Variants in ANO5 observed in about 807,000 individuals in gnomAD.
The protein encoded by ANO5 is anoctamin 5.
In ANO5, 109 loss-of-function variants were observed where a neutral mutation model predicts 121.0. That is an observed-to-expected ratio of 0.90 (90% confidence interval 0.77 to 1.06). The LOEUF is 1.06. Ranked by LOEUF, ANO5 falls within the 50% of genes least tolerant of loss-of-function variation. The probability of loss-of-function intolerance (pLI) is 0.00; values close to 1 mark genes in which losing one functional copy is unlikely to be tolerated. For missense variants in ANO5, 1,064 were observed against 1,078.5 expected, an observed-to-expected ratio of 0.99 and a Z score of 0.19; for synonymous variants, 406 against 359.9, an observed-to-expected ratio of 1.13 and a Z score of -1.45.
intron 14 of ANO5, 147 bp from the exon 15 acceptor site, chr11:22,259,372 G>A (rs908027264): frequency 2.5e-6 from 2 of 808,938 alleles, no homozygotes; most frequent in Non-Finnish European, 4.2e-6. Context: ...TGCCATCTAG[G>A]GAAAGAGAGA....
At position 22,221,174 on chromosome 11, in the gene ANO5, C is replaced by A. The variant is rs747146523; in HGVS notation, c.258C>A (p.Tyr86Ter). ...GGCAAATTGATTTTGTGCTTTCCTA[C>A]GTTGATGATGTAAAGAAAGACGCAG... is the stretch of plus-strand genomic sequence containing the variant. ...GIRQIDFVLS[Y>*]VDDVKKDAEL... The change falls in exon 5 of 22, where the codon TAC becomes TAA. Residue 86 changes from tyrosine to a stop codon, truncating the protein, a stop_gained. Coordinates refer to ENST00000324559, the MANE Select transcript of ANO5 (RefSeq NM_213599.3). LOFTEE classifies it high-confidence loss of function. The A allele has an allele frequency of 6.2e-7, 1 of 1,611,620 alleles. No homozygotes were observed. Among genetic ancestry groups the A allele is most frequent in the South Asian group, 1.1e-5 (1 of 91,018 alleles).
chr11:22,194,611 C>T (rs1052622872), intron 1 of ANO5, among the ~76,000 whole-genome samples: 2 of 152,176 alleles, frequency 1.3e-5, no homozygotes, highest in African/African-American at 4.8e-5. Flanking sequence ...CCCATCCTCC[C>T]CACTTCCTAC....
chr11:22,207,668 A>G (rs1233825324), intron 2 of ANO5, among the ~76,000 whole-genome samples: 1 of 152,130 alleles, frequency 6.6e-6, no homozygotes, highest in Non-Finnish European at 1.5e-5. Context: ...AATGAAAAGC[A>G]TTGATAAATT....
In ANO5 at chr11:22,259,598, A is replaced by G. The variant is rs779659449; in HGVS notation, c.1487A>G (p.Glu496Gly). 1.2e-6 allele frequency: 2 copies of G among 1,614,096 alleles called. No individual in the cohort carries two copies. Among genetic ancestry groups the G allele is most frequent in the East Asian group, 4.5e-5 (2 of 44,862 alleles). Reference sequence around the variant, plus strand: ...TTTGCTACATTTGCTAGTTTCATGGAAAGTGATGCATCCTTAAAGCAGGTC... The same window carrying G: ...TTTGCTACATTTGCTAGTTTCATGGGAAGTGATGCATCCTTAAAGCAGGTC... ...SVFATFASFM[E>G]SDASLKQVKS... Residue 496 changes from glutamate to glycine, a missense_variant, in exon 15 of 22, where the codon GAA becomes GGA. Glu to Gly is a moderately conservative substitution (Grantham distance 98). Transcript: ENST00000324559.
intron 17 of ANO5, among the ~76,000 whole-genome samples, chr11:22,269,326 AAAG>A (rs1250290526): frequency 8.1e-6 from 1 of 123,408 alleles, no homozygotes; most frequent in East Asian, 2.2e-4. Flanking sequence ...AAGGAGAAAA[AAAG>A]AAAGAGAAGG....
At chr11:22,238,300 T>G (rs886266443) in intron 8 of ANO5, among the ~76,000 whole-genome samples, 1 of 145,356 alleles carries the variant, frequency 6.9e-6, no homozygotes, top group African/African-American at 2.5e-5. Flanking sequence ...TTTTTGAAGA[T>G]TTTGAGTTTT....
At chr11:22,262,378 C>T (rs1854219144) in intron 16 of ANO5, 80 bp downstream of exon 16, 23 of 1,480,770 alleles carry the variant, frequency 1.6e-5, no homozygotes, top group Non-Finnish European at 2.0e-5. Flanking sequence ...AGCACTGATT[C>T]ACATGCTAAA....
chr11:22,268,524 G>A (rs973795049), intron 17 of ANO5, among the ~76,000 whole-genome samples: 3 of 152,004 alleles, frequency 2.0e-5, no homozygotes, highest in Admixed American at 6.6e-5. Flanking sequence ...ACTCATTTTT[G>A]TCTAACTTCA....
rs374635714 is a variant in ANO5, at chr11:22,274,794, C to T, written c.2414+47C>T. 20 of 1,589,294 alleles carry T rather than the reference C, an allele frequency of 1.3e-5. No individual in the cohort carries two copies. In the Admixed American group the frequency reaches 1.9e-4, roughly 15 times the overall value. On this transcript the variant is annotated intron_variant, in intron 20 of 21. Transcript: ENST00000324559. ...TTAGGTTTTAGTTTTATCCCTTAAG[C>T]GTATTTCTTAAGTTATCTATTACCT...
intron 3 of ANO5, among the ~76,000 whole-genome samples, chr11:22,216,775 G>A (rs1852460062): frequency 6.6e-6 from 1 of 151,654 alleles, no homozygotes; most frequent in South Asian, 2.1e-4. Context: ...CCAAAGTAGG[G>A]GAGATTTTCT....
At chr11:22,240,854 C>A (rs1170429531) in intron 9 of ANO5, among the ~76,000 whole-genome samples, 1 of 151,586 alleles carries the variant, frequency 6.6e-6, no homozygotes, top group African/African-American at 2.4e-5. Context: ...CTCTTTCATG[C>A]TAATATTTTT....
intron 12 of ANO5, among the ~76,000 whole-genome samples, chr11:22,254,109 C>T (rs1853914179): frequency 6.6e-6 from 1 of 151,704 alleles, no homozygotes; most frequent in Non-Finnish European, 1.5e-5. Flanking sequence ...AAAACATAAG[C>T]CAATGTATAC....
chr11:22,269,059 G>A (rs532903429), intron 17 of ANO5, among the ~76,000 whole-genome samples: 6 of 149,102 alleles, frequency 4.0e-5, no homozygotes, highest in Admixed American at 2.7e-4. Context: ...GAGAGAGAGA[G>A]AAAAGGAAAG....
Position 22,279,970 on chromosome 11 carries a change from G to T in ANO5, c.*205G>T. 1.8e-6 allele frequency: 1 copy of T among 564,534 alleles called. No homozygotes were observed. The highest frequency in any genetic ancestry group is 3.1e-6 in the Non-Finnish European group (1 of 320,840). The allele number at this position is 564,534 out of a possible 1,614,324, so 35.0% of individuals were successfully genotyped here. A position where few individuals can be genotyped will look rare whatever the true frequency, so the allele number is the denominator to read the frequency against. On this transcript the variant is annotated 3_prime_UTR_variant, in exon 22 of 22. Coordinates refer to ENST00000324559, the MANE Select transcript of ANO5 (RefSeq NM_213599.3). ...GTACTACTTCTCTGCTTCATTGACT[G>T]GGCCCTCTCCAGATGTTGTTTTCTG...
intron 21 of ANO5, among the ~76,000 whole-genome samples, chr11:22,279,107 C>T (rs901206787): frequency 3.0e-4 from 46 of 151,926 alleles, no homozygotes; most frequent in African/African-American, 1.1e-3. Context: ...CCAACTCAAA[C>T]TAATACCTTC....
intron 3 of ANO5, among the ~76,000 whole-genome samples, chr11:22,213,962 G>C (rs558746193): frequency 1.3e-5 from 2 of 151,954 alleles, no homozygotes; most frequent in South Asian, 4.1e-4. Context: ...GAGTCCAGTG[G>C]CATGATCATA....
At chr11:22,272,017 T>A (rs1216409557) in intron 18 of ANO5, among the ~76,000 whole-genome samples, 1 of 152,092 alleles carries the variant, frequency 6.6e-6, no homozygotes, top group Non-Finnish European at 1.5e-5. Context: ...ATAACGGAAA[T>A]TTTTTTCCTT....
At chr11:22,255,241 A>G (rs1853954772) in intron 12 of ANO5, 130 bp from the exon 13 acceptor site, 1 of 667,036 alleles carries the variant, frequency 1.5e-6, no homozygotes, top group African/African-American at 1.8e-5. Flanking sequence ...AGTTTTAATC[A>G]AACACAACAG....
intron 2 of ANO5, among the ~76,000 whole-genome samples, chr11:22,207,560 A>G (rs1008717551): frequency 6.6e-6 from 1 of 152,138 alleles, no homozygotes; most frequent in African/African-American, 2.4e-5. Flanking sequence ...ATGTAAAACT[A>G]TACAATTTTT....
Sources: allele counts gnomAD v4.1 joint callset (sites outside exome capture counted in the v4.1 genomes callset), GRCh38; gene constraint gnomAD v4.1.1; transcripts MANE v1.5; gene names NCBI Gene and HGNC (gene_info 2026-07-23, HGNC 2026-07-21).